HPSE2: variants seen among roughly 807,000 people sequenced by gnomAD.
HPSE2 encodes heparanase 2 (inactive), also known as inactive heparanase-2.
Under a neutral mutation model 60.5 loss-of-function variants are expected in HPSE2, and 38 were observed. The observed-to-expected ratio is 0.63, with a 90% CI of 0.48 to 0.82. HPSE2 has a LOEUF of 0.82. Ranked by LOEUF, HPSE2 falls within the 40% of genes least tolerant of loss-of-function variation. The probability of loss-of-function intolerance (pLI) is 0.00; values close to 1 mark genes in which losing one functional copy is unlikely to be tolerated. For missense variants in HPSE2, 713 were observed against 740.4 expected, an observed-to-expected ratio of 0.96 and a Z score of 0.43; for synonymous variants, 295 against 293.2, an observed-to-expected ratio of 1.01 and a Z score of -0.06.
At chr10:99,174,099 TAGAC>T (rs1847431297) in intron 2 of HPSE2, among the ~76,000 whole-genome samples, 1 of 152,216 alleles carries the variant, frequency 6.6e-6, no homozygotes, top group Non-Finnish European at 1.5e-5. Context: ...AAACTCTCGT[TAGAC>T]AATGAAATTT....
intron 10 of HPSE2, among the ~76,000 whole-genome samples, chr10:98,484,316 C>T (rs1941359439): frequency 6.6e-6 from 1 of 152,152 alleles, no homozygotes. Context: ...GGGCTCACTG[C>T]AACCTCCGCC....
chr10:99,251,763 A>G, the HPSE2 span, among the ~76,000 whole-genome samples: 1 of 150,580 alleles, frequency 6.6e-6, no homozygotes, highest in Non-Finnish European at 1.5e-5. Flanking sequence ...GGTGGTTCAC[A>G]TCTGTAATTC....
chr10:98,943,532 G>A (rs915125724), intron 3 of HPSE2, among the ~76,000 whole-genome samples: 5 of 151,940 alleles, frequency 3.3e-5, no homozygotes, highest in Non-Finnish European at 2.9e-5. Context: ...CATCATACTA[G>A]GAAGGTCTGT....
intron 5 of HPSE2, among the ~76,000 whole-genome samples, chr10:98,704,183 C>G (rs1033704835): frequency 2.6e-5 from 4 of 152,042 alleles, no homozygotes; most frequent in African/African-American, 9.7e-5. Flanking sequence ...GAATAAAATA[C>G]CTAGGGATAC....
At chr10:99,091,390 T>C (rs1017096971) in intron 3 of HPSE2, among the ~76,000 whole-genome samples, 2 of 152,148 alleles carry the variant, frequency 1.3e-5, no homozygotes, top group Admixed American at 6.5e-5. Context: ...AGCCACTTAG[T>C]TGGTACCTGC....
rs914368057 is a variant in HPSE2 at position 99,094,496 on chromosome 10, TTCTC to T, written c.610+49738_610+49741del. ...GTCATGAATATTAACATTTCAGTTA[TTCTC>T]TCTTTTTTATCATTCATATATATAT... is the stretch of plus-strand genomic sequence containing the variant. On this transcript the variant is annotated intron_variant, in intron 3 of 11. Coordinates refer to ENST00000370552, the MANE Select transcript of HPSE2 (RefSeq NM_021828.5). 3.6e-4 allele frequency among the ~76,000 whole-genome samples: 50 copies of T among 140,650 alleles called. 1 individual carries two copies. Among genetic ancestry groups the T allele is most frequent in the South Asian group, 1.6e-3 (7 of 4,436 alleles). 92.3% of individuals were successfully genotyped at this position (140,650 alleles called of 152,430 possible). A position where few individuals can be genotyped will look rare whatever the true frequency, so the allele number is the denominator to read the frequency against.
intron 2 of HPSE2, among the ~76,000 whole-genome samples, chr10:99,151,645 C>G (rs1374680306): frequency 6.6e-6 from 1 of 152,084 alleles, no homozygotes; most frequent in Non-Finnish European, 1.5e-5. Context: ...ACAAGTAATA[C>G]AATTAATGGC....
chr10:99,115,347 G>C (rs1437668340), intron 3 of HPSE2, among the ~76,000 whole-genome samples: 2 of 152,052 alleles, frequency 1.3e-5, no homozygotes, highest in Non-Finnish European at 2.9e-5. Flanking sequence ...GTAGAGACGG[G>C]GTTTCACCGT....
chr10:98,725,779 A>C (rs1357899048), intron 4 of HPSE2, among the ~76,000 whole-genome samples: 1 of 152,220 alleles, frequency 6.6e-6, no homozygotes, highest in African/African-American at 2.4e-5. Context: ...CAATGAACTC[A>C]AACAAATTTG....
intron 3 of HPSE2, among the ~76,000 whole-genome samples, chr10:98,902,192 A>T (rs549382907): frequency 2.0e-4 from 30 of 152,324 alleles, no homozygotes; most frequent in African/African-American, 7.0e-4. Context: ...GATTTAGAAT[A>T]AAGTATCAGA....
chr10:98,716,987 G>A (rs1460187903), intron 5 of HPSE2, among the ~76,000 whole-genome samples: 1 of 151,996 alleles, frequency 6.6e-6, no homozygotes, highest in African/African-American at 2.4e-5. Flanking sequence ...TCCAAGAGAA[G>A]GATGTCTCAT....
intron 3 of HPSE2, among the ~76,000 whole-genome samples, chr10:98,989,172 T>C (rs1320375660): frequency 6.6e-6 from 1 of 152,174 alleles, no homozygotes; most frequent in Non-Finnish European, 1.5e-5. Context: ...TTATAAATCA[T>C]GCTGCTATAA....
intron 3 of HPSE2, among the ~76,000 whole-genome samples, chr10:98,954,232 G>A (rs11189905): frequency 0.15 from 23,317 of 152,006 alleles, 2,701 homozygotes; most frequent in African/African-American, 0.32. Context: ...ACTTGAACCC[G>A]GGAGGCAGAG....
chr10:99,235,997 T>C, upstream of HPSE2: 1 of 491,792 alleles, frequency 2.0e-6, no homozygotes, highest in East Asian at 3.2e-5. Flanking sequence ...TTTTGTTTTT[T>C]TCTTTTTTTT....
intron 4 of HPSE2, among the ~76,000 whole-genome samples, chr10:98,728,916 G>A (rs1949158371): frequency 6.6e-6 from 1 of 152,108 alleles, no homozygotes; most frequent in Non-Finnish European, 1.5e-5. Context: ...GGCTAAGGTG[G>A]GAGAATCGCT....
the HPSE2 span, among the ~76,000 whole-genome samples, chr10:99,257,188 C>A: frequency 6.6e-6 from 1 of 152,064 alleles, no homozygotes; most frequent in Admixed American, 6.5e-5. Flanking sequence ...GTTAACTGCA[C>A]AAATTGTTTG....
chr10:98,987,255 C>T (rs1268993156), intron 3 of HPSE2, among the ~76,000 whole-genome samples: 1 of 152,110 alleles, frequency 6.6e-6, no homozygotes, highest in Non-Finnish European at 1.5e-5. Flanking sequence ...CAATAAAATA[C>T]TGGCAAACCA....
At chr10:98,789,771 C>A (rs1399994664) in intron 3 of HPSE2, among the ~76,000 whole-genome samples, 1 of 152,082 alleles carries the variant, frequency 6.6e-6, no homozygotes, top group African/African-American at 2.4e-5. Context: ...CCATATCTAC[C>A]ACAAATGGGG....
At chr10:98,920,529 C>T (rs780511269) in intron 3 of HPSE2, among the ~76,000 whole-genome samples, 2 of 152,160 alleles carry the variant, frequency 1.3e-5, no homozygotes, top group Non-Finnish European at 2.9e-5. Context: ...GAGCATCTTG[C>T]ATGTAAACCA....
Sources: allele counts gnomAD v4.1 joint callset (sites outside exome capture counted in the v4.1 genomes callset), GRCh38; gene constraint gnomAD v4.1.1; transcripts MANE v1.5; gene names NCBI Gene and HGNC (gene_info 2026-07-23, HGNC 2026-07-21).